DLGAP4: variants seen among roughly 807,000 people sequenced by gnomAD.
DLGAP4 encodes the protein DLG associated protein 4, also known as disks large-associated protein 4.
A neutral mutation model predicts 86.9 loss-of-function variants in DLGAP4; 18 were observed. That is an observed-to-expected ratio of 0.21 (90% CI 0.14 to 0.31). The LOEUF is 0.31. Ranked by LOEUF, DLGAP4 falls within the 10% of genes least tolerant of loss-of-function variation. The pLI is 1.00. For missense variants in DLGAP4, 1,085 were observed against 1,362.6 expected (o/e 0.80, Z 3.21); for synonymous variants, 548 against 574.3 (o/e 0.95, Z 0.65).
intron 8 of DLGAP4, 69 bp from the exon 9 acceptor site, chr20:36,499,519 C>T: frequency 1.3e-6 from 2 of 1,500,366 alleles, no homozygotes; most frequent in Non-Finnish European, 1.8e-6. Flanking sequence ...ATTTCAGCAG[C>T]AAGTGTGGTG....
At chr20:36,362,936 G>T (rs1318472443) in intron 1 of DLGAP4, among the ~76,000 whole-genome samples, 4 of 152,160 alleles carry the variant, frequency 2.6e-5, no homozygotes, top group African/African-American at 9.7e-5. Flanking sequence ...TCTTAGAGAT[G>T]AGCAGCTGAG....
intron 2 of DLGAP4, among the ~76,000 whole-genome samples, chr20:36,396,193 C>T (rs2031942750): frequency 6.6e-6 from 1 of 151,900 alleles, no homozygotes; most frequent in East Asian, 1.9e-4. Flanking sequence ...GACCTTGGGC[C>T]AGCATCTGCC....
At chr20:36,333,569 A>C (rs73905331) in intron 1 of DLGAP4, among the ~76,000 whole-genome samples, 1 of 152,268 alleles carries the variant, frequency 6.6e-6, no homozygotes, top group East Asian at 1.9e-4. Flanking sequence ...TCCTTGTAGC[A>C]GTCCTGTGAG....
At chr20:36,406,543 G>A (rs2032328343) in intron 2 of DLGAP4, among the ~76,000 whole-genome samples, 1 of 152,184 alleles carries the variant, frequency 6.6e-6, no homozygotes, top group South Asian at 2.1e-4. Context: ...TTGGTCACAG[G>A]GCTGGGAAGG....
At chr20:36,519,953 G>GTTTTTTTT (rs1228256261) in intron 10 of DLGAP4, among the ~76,000 whole-genome samples, 1 of 149,734 alleles carries the variant, frequency 6.7e-6, no homozygotes, top group African/African-American at 2.5e-5. Flanking sequence ...ACCATGCCCA[G>GTTTTTTTT]TTTGTTTTTT....
chr20:36,526,167 T>C (rs2037745560), intron 12 of DLGAP4, 161 bp downstream of exon 12: 6 of 1,023,868 alleles, frequency 5.9e-6, no homozygotes, highest in Non-Finnish European at 8.8e-6. Flanking sequence ...TTGGCACTTG[T>C]CTGGCATGCC....
At chr20:36,464,025 T>G (rs2034225715) in intron 7 of DLGAP4, among the ~76,000 whole-genome samples, 1 of 152,212 alleles carries the variant, frequency 6.6e-6, no homozygotes, top group Non-Finnish European at 1.5e-5. Flanking sequence ...TGGTGTATAA[T>G]GACAATCTCT....
At chr20:36,515,355 T>C (rs1394860857) in intron 10 of DLGAP4, among the ~76,000 whole-genome samples, 1 of 152,220 alleles carries the variant, frequency 6.6e-6, no homozygotes, top group African/African-American at 2.4e-5. Flanking sequence ...CAGACTTCCT[T>C]TGATTAGTGT....
chr20:36,424,740 T>G (rs1443087929), intron 2 of DLGAP4, among the ~76,000 whole-genome samples: 1 of 79,306 alleles, frequency 1.3e-5, no homozygotes, highest in South Asian at 4.1e-4. Context: ...TTTTGTTTGT[T>G]TTTTTTTTTT....
chr20:36,419,144 T>C (rs1301749790), intron 2 of DLGAP4, among the ~76,000 whole-genome samples: 4 of 151,772 alleles, frequency 2.6e-5, no homozygotes, highest in Non-Finnish European at 5.9e-5. Flanking sequence ...TTTTTTGAGA[T>C]AGGGTCTTAC....
intron 7 of DLGAP4, among the ~76,000 whole-genome samples, chr20:36,496,006 G>A (rs59470491): frequency 0.039 from 5,870 of 152,130 alleles, 385 homozygotes; most frequent in African/African-American, 0.13. Flanking sequence ...CCGAGTAGCT[G>A]GGATTACAGG....
rs933456042 is a variant in DLGAP4 at position 36,345,289 on chromosome 20, A to G, written c.-303-21756A>G. 2.0e-5 allele frequency among the ~76,000 whole-genome samples: 3 copies of G among 152,178 alleles called. No homozygotes were observed. In the East Asian group the frequency reaches 5.8e-4, roughly 29 times the overall value. On this transcript the variant is annotated intron_variant, in intron 1 of 12. Coordinates refer to ENST00000339266, the MANE Select transcript of DLGAP4 (RefSeq NM_001365621.2). ...GAGGAATCGCTTTTTTTCCTTCCTC[A>G]CAGGTGCCATAATTTGAAGCATGTG...
At chr20:36,467,064 C>CTCTCTCTCCCCCTCTCT (rs1555907464) in intron 7 of DLGAP4, among the ~76,000 whole-genome samples, 13 of 118,136 alleles carry the variant, frequency 1.1e-4, no homozygotes, top group African/African-American at 5.8e-4. Context: ...CTCTCTCTCT[C>CTCTCTCTCCCCCTCTCT]CCCCCCCCTT....
chr20:36,438,757 G>A (rs933818056), intron 4 of DLGAP4, among the ~76,000 whole-genome samples: 2 of 144,584 alleles, frequency 1.4e-5, no homozygotes, highest in Admixed American at 7.1e-5. Flanking sequence ...CGCCCAGGCT[G>A]GAGTGCAGTG....
intron 1 of DLGAP4, among the ~76,000 whole-genome samples, chr20:36,336,337 C>T (rs913535190): frequency 2.0e-5 from 3 of 152,162 alleles, no homozygotes; most frequent in African/African-American, 4.8e-5. Flanking sequence ...AGGACCCTTG[C>T]GCTTGCTGTT....
chr20:36,516,013 G>A (rs2037015564), intron 10 of DLGAP4, among the ~76,000 whole-genome samples: 1 of 152,160 alleles, frequency 6.6e-6, no homozygotes. Context: ...TCAGAGTGCT[G>A]CTGGATCCCA....
chr20:36,448,094 G>A (rs1158521499), intron 7 of DLGAP4, among the ~76,000 whole-genome samples: 5 of 150,756 alleles, frequency 3.3e-5, no homozygotes, highest in Admixed American at 1.3e-4. Flanking sequence ...AGTGGCTCAC[G>A]CCTATAATCC....
intron 2 of DLGAP4, among the ~76,000 whole-genome samples, chr20:36,390,751 A>G (rs2031758381): frequency 6.6e-6 from 1 of 152,140 alleles, no homozygotes; most frequent in Non-Finnish European, 1.5e-5. Flanking sequence ...AATCCTGGAT[A>G]CACACTGAGC....
chr20:36,525,603 T>C (rs2037702785), intron 11 of DLGAP4: 2 of 562,602 alleles, frequency 3.6e-6, no homozygotes, highest in African/African-American at 1.9e-5. Flanking sequence ...AGCATACACA[T>C]ACATTAGGGA....
Sources: allele counts gnomAD v4.1 joint callset (sites outside exome capture counted in the v4.1 genomes callset), GRCh38; gene constraint gnomAD v4.1.1; transcripts MANE v1.5; gene names NCBI Gene and HGNC (gene_info 2026-07-23, HGNC 2026-07-21).